The following CNTNAP2 variants were observed in gnomAD, a reference collection of about 807,000 sequenced individuals.
CNTNAP2 encodes contactin-associated protein-like 2.
Under a neutral mutation model 155.2 loss-of-function variants are expected in CNTNAP2, and 98 were observed. That is an observed-to-expected ratio of 0.63 (90% confidence interval 0.54 to 0.75). CNTNAP2 has a LOEUF of 0.75. CNTNAP2 is among the 30% of genes least tolerant of loss of function. The probability of loss-of-function intolerance (pLI) is 0.00; values close to 1 mark genes in which losing one functional copy is unlikely to be tolerated. For missense variants in CNTNAP2, 1,727 were observed against 1,688.1 expected, an observed-to-expected ratio of 1.02 and a Z score of -0.40; for synonymous variants, 651 against 631.2, an observed-to-expected ratio of 1.03 and a Z score of -0.47.
At chr7:147,439,462 A>AT (rs891273604) in intron 10 of CNTNAP2, among the ~76,000 whole-genome samples, 11 of 151,930 alleles carry the variant, frequency 7.2e-5, no homozygotes, top group African/African-American at 2.7e-4. Flanking sequence ...TATTATTTCA[A>AT]TTTTTTTAAT....
intron 11 of CNTNAP2, among the ~76,000 whole-genome samples, chr7:147,490,214 A>G (rs986905138): frequency 6.6e-6 from 1 of 152,196 alleles, no homozygotes; most frequent in Non-Finnish European, 1.5e-5. Flanking sequence ...TAGATGACCT[A>G]TATAATTCTC....
rs559537025 is a variant in CNTNAP2, at chr7:147,205,113, G to T, written c.1348+72604G>T. 2.0e-5 allele frequency among the ~76,000 whole-genome samples: 3 copies of T among 152,220 alleles called. No individual in the cohort carries two copies. In the East Asian group the frequency reaches 5.8e-4, roughly 29 times the overall value. On this transcript the variant is annotated intron_variant, in intron 8 of 23. Transcript: ENST00000361727. ...TGCTATATATATTTCAGGACCTTTT[G>T]TGGTACAAAAGTTTTTGGGTTACAT... is the stretch of plus-strand genomic sequence containing the variant.
chr7:146,464,275 G>A (rs1371505721), intron 1 of CNTNAP2, among the ~76,000 whole-genome samples: 1 of 139,896 alleles, frequency 7.1e-6, no homozygotes, highest in African/African-American at 2.6e-5. Flanking sequence ...TAGAAGTAAA[G>A]TTTTTAAGGC....
rs533515771 is a variant in CNTNAP2 at position 146,336,660 on chromosome 7, C to T, written c.97+219687C>T. On this transcript the variant is annotated intron_variant, in intron 1 of 23. Coordinates refer to ENST00000361727, the MANE Select transcript of CNTNAP2 (RefSeq NM_014141.6). ...TTGTTCACAGCATTTCTATTTTTAACGGCCCTAAACTGGAAAAACTAAAAT... is the reference window on the plus strand; with the variant it reads ...TTGTTCACAGCATTTCTATTTTTAATGGCCCTAAACTGGAAAAACTAAAAT... Among the ~76,000 whole-genome samples, 15 of 152,204 alleles carry T rather than the reference C, an allele frequency of 9.9e-5. No individual in the cohort carries two copies. The South Asian group carries it at 1.9e-3, about 19-fold the overall frequency.
chr7:148,029,326 G>T (rs1183515204), intron 15 of CNTNAP2, among the ~76,000 whole-genome samples: 1 of 152,178 alleles, frequency 6.6e-6, no homozygotes, highest in East Asian at 1.9e-4. Context: ...TAGTCTTAGA[G>T]GCATTATGTG....
chr7:148,324,143 C>G (rs1797849049), intron 21 of CNTNAP2, among the ~76,000 whole-genome samples: 2 of 152,110 alleles, frequency 1.3e-5, no homozygotes, highest in South Asian at 2.1e-4. Flanking sequence ...CTTCGGCCCC[C>G]CAAAGTGCTA....
chr7:146,124,248 T>G (rs1278900439), intron 1 of CNTNAP2, among the ~76,000 whole-genome samples: 1 of 151,656 alleles, frequency 6.6e-6, no homozygotes, highest in Admixed American at 6.6e-5. Context: ...AAAGTAAAAT[T>G]TAAAAAAAAA....
chr7:147,712,509 A>G (rs922306985), intron 13 of CNTNAP2, among the ~76,000 whole-genome samples: 10 of 152,236 alleles, frequency 6.6e-5, no homozygotes, highest in East Asian at 5.8e-4. Context: ...ATGCCCATCA[A>G]TGATAGACTG....
intron 14 of CNTNAP2, among the ~76,000 whole-genome samples, chr7:147,915,470 G>A (rs1800142135): frequency 6.6e-6 from 1 of 152,176 alleles, no homozygotes; most frequent in Non-Finnish European, 1.5e-5. Context: ...ATTATGAGGA[G>A]TACTGGTATC....
chr7:146,596,064 C>A (rs1333492217), intron 1 of CNTNAP2, among the ~76,000 whole-genome samples: 7 of 151,868 alleles, frequency 4.6e-5, no homozygotes, highest in Non-Finnish European at 7.4e-5. Flanking sequence ...TAGTAGTAGG[C>A]CAATATATTT....
intron 8 of CNTNAP2, among the ~76,000 whole-genome samples, chr7:147,272,540 C>T (rs1280245953): frequency 2.0e-5 from 3 of 152,120 alleles, no homozygotes; most frequent in African/African-American, 4.8e-5. Flanking sequence ...GCTCTGTCGC[C>T]CAGGCTGGAG....
intron 10 of CNTNAP2, among the ~76,000 whole-genome samples, chr7:147,470,148 G>A (rs1468529997): frequency 6.6e-6 from 1 of 152,172 alleles, no homozygotes; most frequent in African/African-American, 2.4e-5. Flanking sequence ...ACTTTTAAAG[G>A]ATCAGCCTGG....
intron 1 of CNTNAP2, among the ~76,000 whole-genome samples, chr7:146,403,911 G>T (rs1216760307): frequency 1.3e-5 from 2 of 151,772 alleles, no homozygotes; most frequent in Admixed American, 6.6e-5. Flanking sequence ...GGATCACGAG[G>T]TCAGGAGATC....
rs1491581189 is a variant in CNTNAP2 at position 148,061,904 on chromosome 7, TAG to T, written c.2384-56212_2384-56211del. 3.4e-3 allele frequency among the ~76,000 whole-genome samples: 389 copies of T among 114,818 alleles called. 7 individuals are homozygous for T. The highest frequency in any genetic ancestry group is 0.018 in the East Asian group (44 of 2,458). The allele number at this position is 114,818 out of a possible 152,430, so 75.3% of individuals were successfully genotyped here. On this transcript the variant is annotated intron_variant, in intron 15 of 23. Coordinates refer to ENST00000361727, the MANE Select transcript of CNTNAP2 (RefSeq NM_014141.6). ...ATAGATAGATAGATAGATAGATAGA[TAG>T]ATAGATAAACAGATATAGATAGATA...
At chr7:147,936,673 C>G (rs1221239808) in intron 14 of CNTNAP2, among the ~76,000 whole-genome samples, 2 of 152,076 alleles carry the variant, frequency 1.3e-5, no homozygotes, top group African/African-American at 4.8e-5. Flanking sequence ...ACTCTATCTC[C>G]TTGAAAGAGA....
At chr7:148,205,016 A>G in intron 18 of CNTNAP2, among the ~76,000 whole-genome samples, 1 of 152,346 alleles carries the variant, frequency 6.6e-6, no homozygotes, top group East Asian at 1.9e-4. Flanking sequence ...TCATGTCTTC[A>G]TGGTGTGTAA....
At chr7:148,175,286 T>G (rs1452053901) in intron 18 of CNTNAP2, among the ~76,000 whole-genome samples, 1 of 152,138 alleles carries the variant, frequency 6.6e-6, no homozygotes, top group Non-Finnish European at 1.5e-5. Flanking sequence ...ATGTATTTCC[T>G]CTAACATCAT....
chr7:146,331,978 G>A (rs1427274474), intron 1 of CNTNAP2, among the ~76,000 whole-genome samples: 12 of 152,022 alleles, frequency 7.9e-5, no homozygotes, highest in Admixed American at 7.9e-4. Context: ...AAATTTAAAA[G>A]TAATCTTTAA....
At chr7:148,326,065 G>A (rs747759988) in intron 21 of CNTNAP2, among the ~76,000 whole-genome samples, 2 of 152,066 alleles carry the variant, frequency 1.3e-5, no homozygotes, top group Admixed American at 1.3e-4. Flanking sequence ...CTGCCACGTG[G>A]GGAGCTTTTA....
Sources: gnomAD v4.1 joint callset for allele counts (sites outside exome capture counted in the v4.1 genomes callset) on GRCh38, gnomAD v4.1.1 for gene constraint, MANE v1.5 for transcripts, NCBI Gene and HGNC (gene_info 2026-07-23, HGNC 2026-07-21) for gene names.